DNAJC1: variants seen among roughly 807,000 people sequenced by gnomAD.
The protein encoded by DNAJC1 is dnaJ homolog subfamily C member 1.
A neutral mutation model predicts 76.6 loss-of-function variants in DNAJC1; 58 were observed. The observed-to-expected ratio is 0.76, with a 90% confidence interval of 0.61 to 0.94. The LOEUF (loss-of-function observed/expected upper bound fraction) is 0.94, where lower values mean the gene tolerates loss of function less well. DNAJC1 is among the 40% of genes least tolerant of loss of function. The pLI, the probability that DNAJC1 is intolerant of heterozygous loss-of-function variation, is 0.00. For missense variants in DNAJC1, 689 were observed against 677.3 expected, an observed-to-expected ratio of 1.02 and a Z score of -0.19; for synonymous variants, 258 against 267.9, an observed-to-expected ratio of 0.96 and a Z score of 0.36.
intron 8 of DNAJC1, among the ~76,000 whole-genome samples, chr10:21,852,722 A>G (rs1265555347): frequency 6.6e-6 from 1 of 152,150 alleles, no homozygotes; most frequent in East Asian, 1.9e-4. Context: ...TAGGTGCTCA[A>G]TAAATATTTA....
At chr10:21,799,327 C>T (rs1409397575) in intron 9 of DNAJC1, among the ~76,000 whole-genome samples, 1 of 151,998 alleles carries the variant, frequency 6.6e-6, no homozygotes, top group Non-Finnish European at 1.5e-5. Context: ...GAGACAGGGG[C>T]TCACTCTATC....
intron 8 of DNAJC1, among the ~76,000 whole-genome samples, chr10:21,882,046 T>A (rs1836289872): frequency 6.6e-6 from 1 of 151,878 alleles, no homozygotes; most frequent in South Asian, 2.1e-4. Context: ...CCCAGCTACT[T>A]GGGAAGCTAA....
intron 1 of DNAJC1, among the ~76,000 whole-genome samples, chr10:21,973,939 C>A: frequency 6.6e-6 from 1 of 151,446 alleles, no homozygotes; most frequent in East Asian, 1.9e-4. Context: ...CCCATCTCTA[C>A]TAAAAATACA....
At chr10:21,937,236 AG>A (rs1415419866) in intron 1 of DNAJC1, among the ~76,000 whole-genome samples, 1 of 152,164 alleles carries the variant, frequency 6.6e-6, no homozygotes, top group Non-Finnish European at 1.5e-5. Context: ...GACTCACTTT[AG>A]AACCAAGATA....
intron 1 of DNAJC1, among the ~76,000 whole-genome samples, chr10:21,986,823 A>C (rs536112818): frequency 3.0e-4 from 45 of 152,004 alleles, no homozygotes; most frequent in African/African-American, 1.1e-3. Flanking sequence ...GCTGGAGTGC[A>C]ATGGCGCGAT....
intron 8 of DNAJC1, among the ~76,000 whole-genome samples, chr10:21,813,728 C>T (rs185608587): frequency 2.1e-4 from 32 of 152,290 alleles, no homozygotes; most frequent in African/African-American, 6.3e-4. Flanking sequence ...GAAGATATTG[C>T]CTCCTCAGAG....
intron 9 of DNAJC1, among the ~76,000 whole-genome samples, chr10:21,793,866 T>C (rs1168163861): frequency 6.6e-6 from 1 of 152,126 alleles, no homozygotes; most frequent in East Asian, 1.9e-4. Flanking sequence ...AGTGGGCAGA[T>C]TGCTTGAGCC....
chr10:21,917,908 C>A (rs1836980554), intron 6 of DNAJC1, among the ~76,000 whole-genome samples: 1 of 151,816 alleles, frequency 6.6e-6, no homozygotes, highest in African/African-American at 2.4e-5. Context: ...AAGTTGTAGT[C>A]ATTAGCTTCC....
chr10:21,871,496 A>T (rs1445415865), intron 8 of DNAJC1, among the ~76,000 whole-genome samples: 1 of 152,136 alleles, frequency 6.6e-6, no homozygotes, highest in South Asian at 2.1e-4. Context: ...GTGGCTACAC[A>T]TAACAAAAAA....
chr10:21,845,677 T>G (rs1835646824), intron 8 of DNAJC1, among the ~76,000 whole-genome samples: 1 of 152,128 alleles, frequency 6.6e-6, no homozygotes, highest in African/African-American at 2.4e-5. Flanking sequence ...AACTAACTGG[T>G]GGCACTTAGA....
intron 9 of DNAJC1, among the ~76,000 whole-genome samples, chr10:21,792,360 C>T (rs895534883): frequency 1.3e-5 from 2 of 152,298 alleles, no homozygotes; most frequent in Admixed American, 6.5e-5. Flanking sequence ...TCTATTTATT[C>T]TATGAGGCTA....
chr10:21,813,210 C>CTATATA (rs1835010406), intron 8 of DNAJC1, among the ~76,000 whole-genome samples: 3 of 61,468 alleles, frequency 4.9e-5, no homozygotes, highest in Non-Finnish European at 8.4e-5. Flanking sequence ...CTCTCTCTCT[C>CTATATA]TCTCTCTCTC....
chr10:21,928,476 C>A, intron 3 of DNAJC1, 30 bp downstream of exon 3: 1 of 1,596,712 alleles, frequency 6.3e-7, no homozygotes, highest in Non-Finnish European at 8.6e-7. Flanking sequence ...ACTATAACAT[C>A]TTAATTCAAA....
intron 1 of DNAJC1, among the ~76,000 whole-genome samples, chr10:21,995,555 G>T (rs1299878666): frequency 6.6e-6 from 1 of 152,034 alleles, no homozygotes; most frequent in African/African-American, 2.4e-5. Flanking sequence ...TTTAATTCTT[G>T]ATCTTAGATT....
intron 8 of DNAJC1, among the ~76,000 whole-genome samples, chr10:21,847,032 A>G (rs1835671408): frequency 6.6e-6 from 1 of 152,126 alleles, no homozygotes; most frequent in African/African-American, 2.4e-5. Flanking sequence ...GTTACTAGAA[A>G]TAAATATGTA....
At chr10:21,860,831 G>C (rs1469683362) in intron 8 of DNAJC1, 2 of 152,414 alleles carry the variant, frequency 1.3e-5, no homozygotes, top group African/African-American at 4.8e-5. Flanking sequence ...AGGTCACCAT[G>C]ACTAATTGGG....
chr10:21,821,111 C>T (rs1007059426), intron 8 of DNAJC1, among the ~76,000 whole-genome samples: 15 of 152,170 alleles, frequency 9.9e-5, no homozygotes, highest in African/African-American at 3.6e-4. Context: ...TCTCTCTGTG[C>T]AGCATTCCTT....
At chr10:21,998,891 T>C (rs927890617) in intron 1 of DNAJC1, among the ~76,000 whole-genome samples, 2 of 152,204 alleles carry the variant, frequency 1.3e-5, no homozygotes, top group African/African-American at 2.4e-5. Context: ...AATATTTAGG[T>C]GTTTACTATG....
chr10:21,989,622 A>C (rs908677694), intron 1 of DNAJC1, among the ~76,000 whole-genome samples: 1 of 152,200 alleles, frequency 6.6e-6, no homozygotes, highest in African/African-American at 2.4e-5. Context: ...AAAAAATGCG[A>C]AAGTGAGAAG....
Sources: allele counts gnomAD v4.1 joint callset (sites outside exome capture counted in the v4.1 genomes callset), GRCh38; gene constraint gnomAD v4.1.1; transcripts MANE v1.5; gene names NCBI Gene and HGNC (gene_info 2026-07-23, HGNC 2026-07-21).